ZNF559: variants seen among roughly 807,000 people sequenced by gnomAD.
ZNF559 encodes zinc finger protein 559.
ZNF559 carries 17 observed loss-of-function variants against 14.2 expected under a neutral mutation model. The observed-to-expected ratio is 1.20, with a 90% CI of 0.82 to 1.80. The LOEUF (loss-of-function observed/expected upper bound fraction) is 1.80, where lower values mean the gene tolerates loss of function less well. ZNF559 is among the 40% of genes most tolerant of loss of function. ZNF559 has a pLI of 0.00. For synonymous variants in ZNF559, 244 were observed against 212.4 expected (o/e 1.15, Z -1.29); for missense variants, 740 against 629.7 (o/e 1.18, Z -1.88).
At position 9,342,679 on chromosome 19, in the gene ZNF559, G is replaced by T. The variant is rs148269808; in HGVS notation, c.1228G>T (p.Asp410Tyr). ...MQTHPGVKPYDCQQCGKAFIR... is the reference protein window; with the variant it reads ...MQTHPGVKPYYCQQCGKAFIR... The stretch of plus-strand genomic sequence containing the variant: ...GACTCATCCTGGTGTAAAACCCTAT[G>T]ACTGTCAACAGTGTGGGAAAGCCTT... The change falls in exon 7 of 7, where the codon GAC becomes TAC. Residue 410 changes from aspartate (D) to tyrosine (Y), a missense_variant. Transcript: ENST00000603380. 6.2e-7 allele frequency: 1 copy of T among 1,614,034 alleles called. No homozygotes were observed. Among genetic ancestry groups the T allele is most frequent in the Non-Finnish European group, 8.5e-7 (1 of 1,180,042 alleles).
At position 9,343,788 on chromosome 19, in the gene ZNF559, A is replaced by C; in HGVS notation, c.*720A>C. The C allele has an allele frequency of 1.0e-6, 1 of 985,570 alleles. No individual in the cohort carries two copies. Among genetic ancestry groups the C allele is most frequent in the African/African-American group, 1.7e-5 (1 of 57,348 alleles). The allele number at this position is 985,570 out of a possible 1,614,324, so 61.1% of individuals were successfully genotyped here. A position where few individuals can be genotyped will look rare whatever the true frequency, so the allele number is the denominator to read the frequency against. ...ATGCCATATCAGAATGCTTTTGGTA[A>C]ATATACATGTTTTAAAGAGGTTATA... On this transcript the variant is annotated 3_prime_UTR_variant, in exon 7 of 7. Coordinates refer to ENST00000603380, the MANE Select transcript of ZNF559 (RefSeq NM_032497.3).
intron 2 of ZNF559, among the ~76,000 whole-genome samples, chr19:9,326,130 T>C (rs1233379136): frequency 3.6e-5 from 5 of 139,192 alleles, no homozygotes; most frequent in Admixed American, 2.2e-4. Flanking sequence ...TTTTTTTTTT[T>C]TGAGACGGAG....
intron 2 of ZNF559, among the ~76,000 whole-genome samples, chr19:9,336,594 CA>C (rs571314932): frequency 1.2e-4 from 16 of 136,090 alleles, no homozygotes; most frequent in East Asian, 2.1e-4. Flanking sequence ...GACTCCATCT[CA>C]AAAAAAAAAC....
In ZNF559 at chr19:9,344,763, G is replaced by A. The variant is rs911326147; in HGVS notation, c.*1695G>A. 2 of 152,180 alleles carry A rather than the reference G, an allele frequency of 1.3e-5. No individual in the cohort carries two copies. The highest frequency in any genetic ancestry group is 2.4e-5 in the African/African-American group (1 of 41,438). The allele number at this position is 152,180 out of a possible 1,614,324, so 9.4% of individuals were successfully genotyped here. On this transcript the variant is annotated 3_prime_UTR_variant, in exon 7 of 7. Transcript: ENST00000603380. ...GAACATCACTTTCATATGCTTATGA[G>A]TCTTTGGTGAAGTGTACATTTAATG... is the stretch of plus-strand genomic sequence containing the variant.
intron 2 of ZNF559, among the ~76,000 whole-genome samples, chr19:9,335,014 T>C (rs1000971401): frequency 3.3e-5 from 5 of 151,816 alleles, no homozygotes; most frequent in Non-Finnish European, 7.4e-5. Context: ...TGGGCGCCTG[T>C]AGTCCCAGCT....
In ZNF559 at chr19:9,333,923, A is replaced by G. The variant is rs2067081976; in HGVS notation, c.-119-3873A>G. Among the ~76,000 whole-genome samples, 8 of 152,242 alleles carry G rather than the reference A, an allele frequency of 5.3e-5. No individual in the cohort carries two copies. In the South Asian group the frequency reaches 1.7e-3, roughly 31 times the overall value. ...GAAGTTTTTATCCTCATCAATAATC[A>G]GGCAAATGGAAATTAAATCTGCCAC... On this transcript the variant is annotated intron_variant, in intron 2 of 6. Transcript: ENST00000603380.
At position 9,342,712 on chromosome 19, in the gene ZNF559, TC is replaced by T; in HGVS notation, c.1263del (p.Ser422HisfsTer7). On this transcript the variant is annotated frameshift_variant, in exon 7 of 7. Coordinates refer to ENST00000603380, the MANE Select transcript of ZNF559 (RefSeq NM_032497.3). LOFTEE classifies it low-confidence loss of function (END_TRUNC). ...ACAGTGTGGGAAAGCCTTCATTCGA[TC>T]CTCATTTCTTATTCGACATTTGAGA... Reference protein sequence around the residue: ...CQQCGKAFIRSSFLIRHLRSH... With the variant: ...CQQCGKAFIRXSFLIRHLRSH... 2 of 1,614,204 alleles carry T rather than the reference TC, an allele frequency of 1.2e-6. No individual in the cohort carries two copies. The highest frequency in any genetic ancestry group is 2.7e-5 in the African/African-American group (2 of 75,058).
chr19:9,338,122 C>T (rs2067342594), intron 3 of ZNF559: 2 of 1,009,418 alleles, frequency 2.0e-6, no homozygotes, highest in Non-Finnish European at 3.0e-6. Context: ...TTTTGAGATA[C>T]CTAGAAGAGG....
chr19:9,334,168 T>C (rs569384630), intron 2 of ZNF559, among the ~76,000 whole-genome samples: 1 of 152,348 alleles, frequency 6.6e-6, no homozygotes, highest in Admixed American at 6.5e-5. Flanking sequence ...AACTCAAATG[T>C]CTGTCTACAA....
Position 9,338,503 on chromosome 19 carries a change from C to G in ZNF559, c.-47C>G. On this transcript the variant is annotated 5_prime_UTR_variant, in exon 4 of 7. Coordinates refer to ENST00000603380, the MANE Select transcript of ZNF559 (RefSeq NM_032497.3). ...ATTTCTTCTTCTTAAGATCATCTTTCTCAAGATGTTTTCTGTCTTCATGAG... is the reference window on the plus strand; with the variant it reads ...ATTTCTTCTTCTTAAGATCATCTTTGTCAAGATGTTTTCTGTCTTCATGAG... 1 of 1,612,754 alleles carries G rather than the reference C, an allele frequency of 6.2e-7. No individual in the cohort carries two copies. The highest frequency in any genetic ancestry group is 8.5e-7 in the Non-Finnish European group (1 of 1,178,914).
At chr19:9,329,304 T>G (rs147332094) in intron 2 of ZNF559, among the ~76,000 whole-genome samples, 472 of 152,362 alleles carry the variant, frequency 3.1e-3, no homozygotes, top group African/African-American at 0.011. Context: ...TACTATTTTG[T>G]CTGGGTGATC....
Position 9,324,732 on chromosome 19 carries a change from G to T in ZNF559, c.-168G>T, listed in dbSNP as rs1451164016. The T allele has an allele frequency of 2.0e-6, 3 of 1,535,378 alleles. No individual in the cohort carries two copies. In the Admixed American group the frequency reaches 5.9e-5, roughly 30 times the overall value. On this transcript the variant is annotated 5_prime_UTR_variant, in exon 2 of 7. Transcript: ENST00000603380. ...TGCCTTCCTGTTCACGGTGACCTTC[G>T]CTTGGTGTCCTCCTGGCCTCAGCAA... is the stretch of plus-strand genomic sequence containing the variant.
Position 9,324,234 on chromosome 19 carries a change from T to C in ZNF559, c.-206+6T>C, listed in dbSNP as rs764855938. The C allele has an allele frequency of 4.6e-6, 7 of 1,535,888 alleles. No individual in the cohort carries two copies. Among genetic ancestry groups the C allele is most frequent in the Admixed American group, 2.0e-5 (1 of 50,974 alleles). On this transcript the variant is annotated splice_donor_region_variant and intron_variant, in intron 1 of 6. Transcript: ENST00000603380. ...CGTTCCCGTTGGCGTCTGAGGTAAG[T>C]TTTTGTTTCTGGGCGGCGTTCGGTG...
At chr19:9,329,871 C>A (rs2066843383) in intron 2 of ZNF559, among the ~76,000 whole-genome samples, 1 of 152,140 alleles carries the variant, frequency 6.6e-6, no homozygotes, top group Admixed American at 6.6e-5. Context: ...ACCATATTGG[C>A]AAGGCTGGTC....
chr19:9,327,799 T>C (rs2066706506), intron 2 of ZNF559, among the ~76,000 whole-genome samples: 1 of 152,222 alleles, frequency 6.6e-6, no homozygotes, highest in African/African-American at 2.4e-5. Flanking sequence ...CTGTCATTCG[T>C]ATTGATGCTC....
Position 9,343,998 on chromosome 19 carries a change from C to T in ZNF559, c.*930C>T. ...GTGGCTCATTCCTGTAATCCCAGCA[C>T]TTTGAAAGGCCGAAGCGAGTGGATC... On this transcript the variant is annotated 3_prime_UTR_variant, in exon 7 of 7. Coordinates refer to ENST00000603380, the MANE Select transcript of ZNF559 (RefSeq NM_032497.3). The T allele has an allele frequency of 5.3e-6, 1 of 189,432 alleles. No homozygotes were observed. The allele number at this position is 189,432 out of a possible 1,614,324, so 11.7% of individuals were successfully genotyped here.
chr19:9,339,155 C>G (rs767884843), intron 4 of ZNF559, 38 bp from the exon 5 acceptor site: 2 of 1,611,296 alleles, frequency 1.2e-6, no homozygotes, highest in African/African-American at 2.7e-5. Flanking sequence ...TAGTGGAGAA[C>G]GTACTTGCCT....
In ZNF559 at chr19:9,342,746, G is replaced by A. The variant is rs1599359396; in HGVS notation, c.1295G>A (p.Ser432Asn). 6.2e-7 allele frequency: 1 copy of A among 1,614,070 alleles called. No homozygotes were observed. Among genetic ancestry groups the A allele is most frequent in the Non-Finnish European group, 8.5e-7 (1 of 1,180,008 alleles). ...CTTATTCGACATTTGAGAAGTCACA[G>A]TGCAGAAAGGCCTTTTGAATGTGAG... ...SFLIRHLRSH[S>N]AERPFECEEC... The change falls in exon 7 of 7, where the codon AGT becomes AAT. Residue 432 changes from serine to asparagine, a missense_variant. By Grantham distance (46) the Ser-to-Asn change is conservative (BLOSUM62 1). Transcript: ENST00000603380.
intron 3 of ZNF559, chr19:9,338,108 C>T: frequency 8.3e-7 from 1 of 1,198,852 alleles, no homozygotes; most frequent in Non-Finnish European, 1.2e-6. Flanking sequence ...CTAAGTGGCC[C>T]TGCTTTTGAG....
Sources: gnomAD v4.1 joint callset for allele counts (sites outside exome capture counted in the v4.1 genomes callset) on GRCh38, gnomAD v4.1.1 for gene constraint, MANE v1.5 for transcripts, NCBI Gene and HGNC (gene_info 2026-07-23, HGNC 2026-07-21) for gene names.